Variants in CASP10 observed in about 807,000 individuals in gnomAD.
The protein encoded by CASP10 is caspase 10, also known as caspase-10.
A neutral mutation model predicts 48.5 loss-of-function variants in CASP10; 41 were observed. The ratio of observed to expected loss-of-function variants is 0.85; its 90% CI spans 0.66 to 1.10. The LOEUF is 1.10. Among genes scored for constraint, CASP10 ranks in the 50% least tolerant of loss-of-function variants. The probability of loss-of-function intolerance (pLI) is 0.00; values close to 1 mark genes in which losing one functional copy is unlikely to be tolerated. For synonymous variants in CASP10, 232 were observed against 238.4 expected (o/e 0.97, Z 0.25); for missense variants, 614 against 614.5 (o/e 1.00, Z 0.01).
At chr2:201,194,603 C>T (rs959513943) in intron 4 of CASP10, among the ~76,000 whole-genome samples, 2 of 152,152 alleles carry the variant, frequency 1.3e-5, no homozygotes, top group Non-Finnish European at 2.9e-5. Context: ...CTCACATGAG[C>T]TCTGAGTTTT....
Position 201,209,411 on chromosome 2 carries a change from G to A in CASP10, c.1264G>A (p.Ala422Thr). The A allele has an allele frequency of 6.2e-7, 1 of 1,614,058 alleles. No homozygotes were observed. Among genetic ancestry groups the A allele is most frequent in the African/African-American group, 1.3e-5 (1 of 74,998 alleles). Residue 422 changes from alanine (A) to threonine (T), a missense_variant, in exon 9 of 10, where the codon GCA becomes ACA. By Grantham distance (58) the Ala-to-Thr change is moderately conservative. Transcript: ENST00000286186. ...IEADALNPEQ[A>T]PTSLQDSIPA... ...AGCAGATGCTCTGAACCCTGAGCAG[G>A]CACCCACTTCCCTGCAGGACAGTAT... is the stretch of plus-strand genomic sequence containing the variant.
chr2:201,187,591 C>T (rs1446170784), intron 2 of CASP10, 115 bp from the exon 3 acceptor site: 1 of 825,450 alleles, frequency 1.2e-6, no homozygotes, highest in African/African-American at 1.7e-5. Context: ...TAATAATTGT[C>T]TACACATAGA....
In CASP10 at chr2:201,200,604, C is replaced by G. The variant is rs541896188; in HGVS notation, c.685-3126C>G. The stretch of plus-strand genomic sequence containing the variant: ...GGAGAGGCCTGCTCTTCGGCTCTGC[C>G]CTGAACCTCATTCGGCAGGTGGAGG... On this transcript the variant is annotated intron_variant, in intron 5 of 9. Transcript: ENST00000286186. 2.6e-6 allele frequency: 4 copies of G among 1,510,926 alleles called. No individual in the cohort carries two copies. The Admixed American group carries it at 9.1e-5, about 35-fold the overall frequency. 93.6% of individuals were successfully genotyped at this position (1,510,926 alleles called of 1,614,324 possible).
At position 201,198,539 on chromosome 2, in the gene CASP10, CT is replaced by C. The variant is rs34234167; in HGVS notation, c.684+2610del. On this transcript the variant is annotated intron_variant, in intron 5 of 9. Coordinates refer to ENST00000286186, the MANE Select transcript of CASP10 (RefSeq NM_032977.4). ...CGTACCCGGCCTTTATTTTTTAATT[CT>C]TTTTTTTTTTTTTTTTTTGAGACTG... is the stretch of plus-strand genomic sequence containing the variant. Among the ~76,000 whole-genome samples, 74 of 87,982 alleles carry C rather than the reference CT, an allele frequency of 8.4e-4. No individual in the cohort carries two copies. The South Asian group carries it at 0.013, about 15-fold the overall frequency. 57.7% of individuals were successfully genotyped at this position (87,982 alleles called of 152,430 possible).
chr2:201,219,451 C>T lies in CASP10; in HGVS notation c.*1710C>T. ...TCAATCTACAGGCCAGCACCTTTCTCTTGGCCGGATGTCCTCAGGGCTGGC... is the reference window on the plus strand; with the variant it reads ...TCAATCTACAGGCCAGCACCTTTCTTTTGGCCGGATGTCCTCAGGGCTGGC... On this transcript the variant is annotated 3_prime_UTR_variant, in exon 10 of 10. Coordinates refer to ENST00000286186, the MANE Select transcript of CASP10 (RefSeq NM_032977.4). 1.0e-6 allele frequency: 1 copy of T among 985,494 alleles called. No homozygotes were observed. Among genetic ancestry groups the T allele is most frequent in the Non-Finnish European group, 1.2e-6 (1 of 829,972 alleles). 61.0% of individuals were successfully genotyped at this position (985,494 alleles called of 1,614,324 possible). A position where few individuals can be genotyped will look rare whatever the true frequency, so the allele number is the denominator to read the frequency against.
Position 201,218,020 on chromosome 2 carries a change from C to A in CASP10, c.*279C>A. The A allele has an allele frequency of 1.2e-6, 1 of 843,214 alleles. No homozygotes were observed. The highest frequency in any genetic ancestry group is 1.6e-6 in the Non-Finnish European group (1 of 617,748). 52.2% of individuals were successfully genotyped at this position (843,214 alleles called of 1,614,324 possible). A position where few individuals can be genotyped will look rare whatever the true frequency, so the allele number is the denominator to read the frequency against. ...TCTCGACCTCCCAGGCTCAAGCTGT[C>A]CTCCCGCCTCAGCTTCCCAAGTAGC... On this transcript the variant is annotated 3_prime_UTR_variant, in exon 10 of 10. Coordinates refer to ENST00000286186, the MANE Select transcript of CASP10 (RefSeq NM_032977.4).
chr2:201,185,303 G>A lies in CASP10; in HGVS notation c.-7-468G>A, dbSNP rs143305298. On this transcript the variant is annotated intron_variant, in intron 1 of 9. Transcript: ENST00000286186. Reference sequence around the variant, plus strand: ...TTAAGATGTAACACACATACCTCACGGTACCTTGCTGTCTTTGGGTTGATA... The same window carrying A: ...TTAAGATGTAACACACATACCTCACAGTACCTTGCTGTCTTTGGGTTGATA... Among the ~76,000 whole-genome samples, 52 of 152,202 alleles carry A rather than the reference G, an allele frequency of 3.4e-4. 1 individual carries two copies. The East Asian group carries it at 9.6e-3, about 28-fold the overall frequency.
intron 5 of CASP10, among the ~76,000 whole-genome samples, chr2:201,202,478 C>T (rs1288817927): frequency 6.6e-6 from 1 of 152,212 alleles, no homozygotes; most frequent in Non-Finnish European, 1.5e-5. Context: ...TCAAGGAAAG[C>T]CAGGGCCTGG....
At position 201,220,220 on chromosome 2, in the gene CASP10, C is replaced by G. The variant is rs918505961; in HGVS notation, c.*2479C>G. 10 of 831,994 alleles carry G rather than the reference C, an allele frequency of 1.2e-5. No individual in the cohort carries two copies. Among genetic ancestry groups the G allele is most frequent in the Non-Finnish European group, 1.3e-5 (9 of 690,062 alleles). 51.5% of individuals were successfully genotyped at this position (831,994 alleles called of 1,614,324 possible). The stretch of plus-strand genomic sequence containing the variant: ...ACACCGCCACTTTAAGTTCCAGTTC[C>G]CTTTCTAGCCTCATGCATTTCAAGG... On this transcript the variant is annotated 3_prime_UTR_variant, in exon 10 of 10. Transcript: ENST00000286186.
Position 201,217,905 on chromosome 2 carries a change from C to T in CASP10, c.*164C>T. 1 of 1,523,108 alleles carries T rather than the reference C, an allele frequency of 6.6e-7. No homozygotes were observed. Among genetic ancestry groups the T allele is most frequent in the Non-Finnish European group, 8.8e-7 (1 of 1,139,880 alleles). 94.3% of individuals were successfully genotyped at this position (1,523,108 alleles called of 1,614,324 possible). The stretch of plus-strand genomic sequence containing the variant: ...CTGATTTTCTTTTTCTTTTGCAAGT[C>T]TAAATGTTAGAAAACTTTCTTTTTT... On this transcript the variant is annotated 3_prime_UTR_variant, in exon 10 of 10. Coordinates refer to ENST00000286186, the MANE Select transcript of CASP10 (RefSeq NM_032977.4).
intron 9 of CASP10, chr2:201,213,653 G>A (rs1407085032): frequency 1.3e-5 from 2 of 152,178 alleles, no homozygotes; most frequent in Non-Finnish European, 2.9e-5. Context: ...TTCAGCTGTG[G>A]ATTCACTTGT....
rs759629646 is a variant in CASP10 at position 201,209,025 on chromosome 2, TTCTC to T, written c.923-31_923-28del. On this transcript the variant is annotated intron_variant, in intron 8 of 9. Transcript: ENST00000286186. ...TTTGCATCATTTTATTATTTCCCCT[TTCTC>T]TCTCTCTCTCTCTTTTTTTTTTTTT... The T allele has an allele frequency of 2.1e-4, 323 of 1,519,514 alleles. 1 individual carries two copies. The highest frequency in any genetic ancestry group is 1.5e-3 in the South Asian group (128 of 85,056). The allele number at this position is 1,519,514 out of a possible 1,614,324, so 94.1% of individuals were successfully genotyped here. A position where few individuals can be genotyped will look rare whatever the true frequency, so the allele number is the denominator to read the frequency against.
At chr2:201,195,807 G>T in intron 4 of CASP10, 35 bp from the exon 5 acceptor site, 1 of 1,533,756 alleles carries the variant, frequency 6.5e-7, no homozygotes, top group Non-Finnish European at 9.0e-7. Context: ...GTCAGAAGGT[G>T]ATTTTTATTT....
chr2:201,185,680 A>T (rs1944389199), intron 1 of CASP10, 91 bp from the exon 2 acceptor site: 1 of 829,508 alleles, frequency 1.2e-6, no homozygotes, highest in South Asian at 1.4e-5. Context: ...CCCAGAACGG[A>T]GAAGGTTGTG....
At position 201,190,584 on chromosome 2, in the gene CASP10, G is replaced by A. The variant is rs751868330; in HGVS notation, c.442-2400G>A. The stretch of plus-strand genomic sequence containing the variant: ...TCATAACATTCTCTCCCAAGTTGGG[G>A]CATCCGCTCACAAATTTTCCAGTGT... On this transcript the variant is annotated intron_variant, in intron 3 of 9. Coordinates refer to ENST00000286186, the MANE Select transcript of CASP10 (RefSeq NM_032977.4). Among the ~76,000 whole-genome samples, 16 of 152,108 alleles carry A rather than the reference G, an allele frequency of 1.1e-4. No individual in the cohort carries two copies. In the South Asian group the frequency reaches 1.5e-3, roughly 14 times the overall value.
At chr2:201,201,032 C>T (rs920543878) in intron 5 of CASP10, among the ~76,000 whole-genome samples, 4 of 151,922 alleles carry the variant, frequency 2.6e-5, no homozygotes, top group Non-Finnish European at 2.9e-5. Flanking sequence ...CTCCCCGCTC[C>T]CCCAGAAGCT....
chr2:201,219,526 A>T lies in CASP10; in HGVS notation c.*1785A>T. The T allele has an allele frequency of 1.0e-6, 1 of 985,238 alleles. No homozygotes were observed. The highest frequency in any genetic ancestry group is 1.2e-6 in the Non-Finnish European group (1 of 829,912). The allele number at this position is 985,238 out of a possible 1,614,324, so 61.0% of individuals were successfully genotyped here. ...GTCCCCACCTTGTTACTGCTACTAC[A>T]CTTTGCTCCTCTGGCCCAAGGCATG... On this transcript the variant is annotated 3_prime_UTR_variant, in exon 10 of 10. Transcript: ENST00000286186.
intron 9 of CASP10, chr2:201,213,524 AAGG>A (rs796976562): frequency 2.6e-5 from 4 of 152,314 alleles, no homozygotes; most frequent in African/African-American, 9.6e-5. Context: ...CCGTTGTTAC[AAGG>A]AGTTCTCCTA....
intron 4 of CASP10, among the ~76,000 whole-genome samples, 195 bp from the exon 5 acceptor site, chr2:201,195,647 G>A (rs1468614579): frequency 6.6e-6 from 1 of 151,880 alleles, no homozygotes; most frequent in Non-Finnish European, 1.5e-5. Context: ...AACTTTCTAA[G>A]TTGTCTTGAG....
Sources: allele counts gnomAD v4.1 joint callset (sites outside exome capture counted in the v4.1 genomes callset), GRCh38; gene constraint gnomAD v4.1.1; transcripts MANE v1.5; gene names NCBI Gene and HGNC (gene_info 2026-07-23, HGNC 2026-07-21).